ATP1B3: variants seen among roughly 807,000 people sequenced by gnomAD.
ATP1B3 encodes the protein sodium/potassium-transporting ATPase subunit beta-3.
ATP1B3 carries 10 observed loss-of-function variants against 30.2 expected under a neutral mutation model. That is an observed-to-expected ratio of 0.33 (90% CI 0.20 to 0.56). The LOEUF is 0.56. Ranked by LOEUF, ATP1B3 falls within the 20% of genes least tolerant of loss-of-function variation. ATP1B3 has a pLI of 0.90. For synonymous variants in ATP1B3, 113 were observed against 117.0 expected (o/e 0.97, Z 0.22); for missense variants, 238 against 336.7 (o/e 0.71, Z 2.29).
intron 5 of ATP1B3, 30 bp from the exon 6 acceptor site, chr3:141,921,947 A>G (rs1182161246): frequency 4.7e-6 from 6 of 1,287,022 alleles, no homozygotes; most frequent in African/African-American, 1.5e-5. Context: ...TTTGTGACCT[A>G]AAGAGGATTT....
intron 1 of ATP1B3, among the ~76,000 whole-genome samples, chr3:141,882,602 A>G (rs1362570155): frequency 6.6e-6 from 1 of 151,990 alleles, no homozygotes; most frequent in Non-Finnish European, 1.5e-5. Flanking sequence ...TTGTTTTTTG[A>G]GATAGAGTTT....
chr3:141,901,627 T>G (rs1329866101), intron 1 of ATP1B3, among the ~76,000 whole-genome samples: 2 of 152,222 alleles, frequency 1.3e-5, no homozygotes, highest in Non-Finnish European at 2.9e-5. Context: ...TTATACTCAT[T>G]ATTTTCATTG....
intron 1 of ATP1B3, among the ~76,000 whole-genome samples, chr3:141,894,298 T>A (rs1366009568): frequency 6.6e-6 from 1 of 151,844 alleles, no homozygotes; most frequent in African/African-American, 2.4e-5. Flanking sequence ...ACTTCAGTAA[T>A]AACCTTAGCT....
At chr3:141,925,186 G>A (rs1934634433) in intron 6 of ATP1B3, among the ~76,000 whole-genome samples, 1 of 152,124 alleles carries the variant, frequency 6.6e-6, no homozygotes, top group Admixed American at 6.5e-5. Flanking sequence ...TAATTTACAA[G>A]CCACGTATGG....
At chr3:141,880,326 T>A (rs1215336678) in intron 1 of ATP1B3, among the ~76,000 whole-genome samples, 1 of 152,214 alleles carries the variant, frequency 6.6e-6, no homozygotes, top group Non-Finnish European at 1.5e-5. Flanking sequence ...ACACATAAGT[T>A]ACTTCATGTG....
intron 1 of ATP1B3, among the ~76,000 whole-genome samples, chr3:141,885,596 A>G (rs1933813921): frequency 6.6e-6 from 1 of 151,930 alleles, no homozygotes; most frequent in South Asian, 2.1e-4. Flanking sequence ...TTACAGGCAC[A>G]TGTCACCATG....
At chr3:141,924,711 C>G (rs745855323) in intron 6 of ATP1B3, among the ~76,000 whole-genome samples, 16 of 151,846 alleles carry the variant, frequency 1.1e-4, no homozygotes, top group Non-Finnish European at 2.1e-4. Flanking sequence ...TTCCCAAGCA[C>G]TTTGGGAGGC....
intron 1 of ATP1B3, among the ~76,000 whole-genome samples, chr3:141,888,148 G>A (rs772660286): frequency 1.3e-5 from 2 of 152,208 alleles, no homozygotes; most frequent in African/African-American, 2.4e-5. Context: ...ACAGTAAAAT[G>A]TTAATTGTAG....
intron 3 of ATP1B3, among the ~76,000 whole-genome samples, chr3:141,907,512 G>A (rs1020485269): frequency 9.2e-5 from 14 of 152,062 alleles, no homozygotes; most frequent in African/African-American, 3.1e-4. Flanking sequence ...GTGGTAGCAC[G>A]CGCCTGTAAT....
chr3:141,912,039 A>AT (rs1259888871), intron 3 of ATP1B3, among the ~76,000 whole-genome samples: 1 of 152,076 alleles, frequency 6.6e-6, no homozygotes, highest in Non-Finnish European at 1.5e-5. Flanking sequence ...TGAAGGGCTT[A>AT]TTTTTTTGCA....
chr3:141,924,147 C>T (rs1343403770), intron 6 of ATP1B3, among the ~76,000 whole-genome samples: 1 of 151,730 alleles, frequency 6.6e-6, no homozygotes, highest in Admixed American at 6.6e-5. Context: ...AGTTCGAGAC[C>T]AGCCTGACCA....
rs1292870237 is a variant in ATP1B3 at position 141,926,362 on chromosome 3, G to A, written c.*661G>A. The A allele has an allele frequency of 2.0e-5, 3 of 151,732 alleles. No homozygotes were observed. Among genetic ancestry groups the A allele is most frequent in the East Asian group, 3.9e-4 (2 of 5,186 alleles). 9.4% of individuals were successfully genotyped at this position (151,732 alleles called of 1,614,324 possible). A position where few individuals can be genotyped will look rare whatever the true frequency, so the allele number is the denominator to read the frequency against. On this transcript the variant is annotated 3_prime_UTR_variant, in exon 7 of 7. Coordinates refer to ENST00000286371, the MANE Select transcript of ATP1B3 (RefSeq NM_001679.4). ...CTTATTTTAGGCTGTAGATAAAATA[G>A]CATTTTTAGGTTAGCCAGTGTGACT...
chr3:141,894,462 T>C (rs1038576628), intron 1 of ATP1B3, among the ~76,000 whole-genome samples: 4 of 152,158 alleles, frequency 2.6e-5, no homozygotes, highest in Admixed American at 2.6e-4. Context: ...CCAGCGACTT[T>C]ATATACTTTT....
chr3:141,887,602 C>T (rs1235670041), intron 1 of ATP1B3, among the ~76,000 whole-genome samples: 2 of 152,148 alleles, frequency 1.3e-5, no homozygotes, highest in African/African-American at 4.8e-5. Context: ...ACAAAATGCT[C>T]TTGTACAAAA....
At chr3:141,916,372 ATAGT>A (rs1325420818) in intron 5 of ATP1B3, 2 of 470,594 alleles carry the variant, frequency 4.2e-6, no homozygotes, top group Admixed American at 2.3e-5. Context: ...CTCTTTCTTA[ATAGT>A]TAGTTGGCGT....
At chr3:141,918,706 G>A (rs1049001858) in intron 5 of ATP1B3, 3 of 152,170 alleles carry the variant, frequency 2.0e-5, no homozygotes, top group Admixed American at 2.0e-4. Context: ...CAAAGTACTG[G>A]GGTAACAGGC....
chr3:141,925,027 G>A (rs1048336368), intron 6 of ATP1B3, among the ~76,000 whole-genome samples: 11 of 152,160 alleles, frequency 7.2e-5, no homozygotes, highest in Non-Finnish European at 1.2e-4. Flanking sequence ...CATTCTGGGA[G>A]GACAAGGCAA....
In ATP1B3 at chr3:141,916,648, A is replaced by G. The variant is rs1934469992; in HGVS notation, c.582+628A>G. On this transcript the variant is annotated intron_variant, in intron 5 of 6. Transcript: ENST00000286371. ...ATATTAACATTTCAACTCTGATTGT[A>G]TGGCAGAAATATTTTACTTAGAATG... The G allele has an allele frequency of 2.9e-6, 3 of 1,018,506 alleles. No homozygotes were observed. The South Asian group carries it at 4.3e-5, about 14-fold the overall frequency. 63.1% of individuals were successfully genotyped at this position (1,018,506 alleles called of 1,614,324 possible).
intron 1 of ATP1B3, chr3:141,902,134 A>G (rs931013980): frequency 3.1e-6 from 4 of 1,289,684 alleles, no homozygotes; most frequent in South Asian, 1.2e-5. Flanking sequence ...TTTCTGCAAC[A>G]GGATCGCAGT....
Sources: gnomAD v4.1 joint callset for allele counts (sites outside exome capture counted in the v4.1 genomes callset) on GRCh38, gnomAD v4.1.1 for gene constraint, MANE v1.5 for transcripts, NCBI Gene and HGNC (gene_info 2026-07-23, HGNC 2026-07-21) for gene names.